The following SPEF2 variants were observed in gnomAD, a reference collection of about 807,000 sequenced individuals.
The protein encoded by SPEF2 is sperm flagellar and cilia associated 2, also known as sperm flagella and cilia-associated protein 2.
SPEF2 carries 187 observed loss-of-function variants against 224.6 expected under a neutral mutation model. The ratio of observed to expected loss-of-function variants is 0.83; its 90% CI spans 0.74 to 0.94. SPEF2 has a LOEUF of 0.94. Ranked by LOEUF, SPEF2 falls within the 40% of genes least tolerant of loss-of-function variation. The pLI, the probability that SPEF2 is intolerant of heterozygous loss-of-function variation, is 0.00. For missense variants in SPEF2, 2,170 were observed against 2,135.6 expected (o/e 1.02, Z -0.32); for synonymous variants, 715 against 707.3 (o/e 1.01, Z -0.17).
chr5:35,683,509 C>T (rs1022581603), intron 10 of SPEF2, among the ~76,000 whole-genome samples: 4 of 152,204 alleles, frequency 2.6e-5, no homozygotes, highest in Admixed American at 2.6e-4. Context: ...CCTGTAATCC[C>T]TGCTACTTGG....
intron 20 of SPEF2, 21 bp from the exon 21 acceptor site, chr5:35,727,654 A>T: frequency 3.7e-6 from 6 of 1,604,804 alleles, no homozygotes; most frequent in Non-Finnish European, 5.1e-6. Flanking sequence ...GTATTGGAAT[A>T]ATTTGATATG....
chr5:35,729,823 T>C (rs1033588014), intron 21 of SPEF2, among the ~76,000 whole-genome samples: 1 of 152,156 alleles, frequency 6.6e-6, no homozygotes, highest in Admixed American at 6.5e-5. Context: ...CGAGATCTGA[T>C]GGGCTTAACA....
intron 20 of SPEF2, among the ~76,000 whole-genome samples, chr5:35,715,725 C>G (rs527472454): frequency 1.2e-4 from 18 of 150,812 alleles, no homozygotes; most frequent in African/African-American, 4.4e-4. Flanking sequence ...TTTTGAACTT[C>G]TACTTTAAGT....
At chr5:35,745,584 G>T (rs1425776322) in intron 23 of SPEF2, among the ~76,000 whole-genome samples, 2 of 151,688 alleles carry the variant, frequency 1.3e-5, no homozygotes, top group East Asian at 3.9e-4. Flanking sequence ...ACATGACTCA[G>T]CAGAGGCAGC....
At position 35,740,211 on chromosome 5, in the gene SPEF2, C is replaced by T. The variant is rs1335597913; in HGVS notation, c.3274C>T (p.Pro1092Ser). 6.2e-7 allele frequency: 1 copy of T among 1,614,128 alleles called. No homozygotes were observed. The highest frequency in any genetic ancestry group is 1.7e-5 in the Admixed American group (1 of 60,018). The change falls in exon 23 of 37, where the codon CCT (proline) becomes TCT (serine). Residue 1092 changes from proline (P) to serine (S), a missense_variant. Transcript: ENST00000356031. ...ATGGCAGGCTGATTTCAACTCCCTT[C>T]CTGATGACCTGTGGGATGATGAGGA... The part of the protein sequence containing the change: ...AQWQADFNSL[P>S]DDLWDDEETK...
At chr5:35,773,512 TC>T (rs1753165852) in intron 27 of SPEF2, among the ~76,000 whole-genome samples, 1 of 152,212 alleles carries the variant, frequency 6.6e-6, no homozygotes, top group Non-Finnish European at 1.5e-5. Context: ...ATAGAAGTTA[TC>T]CCTTATGGAG....
At chr5:35,635,041 C>T (rs896248168) in intron 2 of SPEF2, among the ~76,000 whole-genome samples, 2 of 151,872 alleles carry the variant, frequency 1.3e-5, no homozygotes, top group African/African-American at 2.4e-5. Context: ...AGTGATTTTC[C>T]CTCAGGTGGA....
At chr5:35,708,914 C>T (rs1415780583) in intron 18 of SPEF2, 34 bp from the exon 19 acceptor site, 10 of 1,569,610 alleles carry the variant, frequency 6.4e-6, no homozygotes, top group Non-Finnish European at 8.6e-6. Context: ...TCTAGAGTCT[C>T]TAATGAAGGT....
At chr5:35,714,470 A>G (rs974522413) in intron 20 of SPEF2, among the ~76,000 whole-genome samples, 2 of 151,898 alleles carry the variant, frequency 1.3e-5, no homozygotes, top group African/African-American at 4.8e-5. Flanking sequence ...ATTTTTTAAC[A>G]GTCAGGTACT....
intron 7 of SPEF2, among the ~76,000 whole-genome samples, chr5:35,658,316 A>T (rs906384782): frequency 6.6e-6 from 1 of 152,092 alleles, no homozygotes; most frequent in Non-Finnish European, 1.5e-5. Flanking sequence ...ACATCTATCT[A>T]GTTTTTCTTT....
chr5:35,771,703 A>T lies in SPEF2; in HGVS notation c.3896A>T (p.Lys1299Ile), dbSNP rs1752881005. 3 of 1,602,370 alleles carry T rather than the reference A, an allele frequency of 1.9e-6. No homozygotes were observed. Among genetic ancestry groups the T allele is most frequent in the South Asian group, 2.3e-5 (2 of 87,662 alleles). The change falls in exon 27 of 37, where the codon AAA becomes ATA. Residue 1299 changes from lysine (K) to isoleucine (I), a missense_variant. Coordinates refer to ENST00000356031, the MANE Select transcript of SPEF2 (RefSeq NM_024867.4). ...KEKSPQMGAN[K>I]KVKKEPPKKK... Reference sequence around the variant, plus strand: ...AAATCTCCTCAGATGGGTGCAAATAAAAAAGTCAAAAAGGAGCCACCCAAG... The same window carrying T: ...AAATCTCCTCAGATGGGTGCAAATATAAAAGTCAAAAAGGAGCCACCCAAG...
At chr5:35,635,851 T>C (rs1745758229) in intron 2 of SPEF2, among the ~76,000 whole-genome samples, 1 of 152,216 alleles carries the variant, frequency 6.6e-6, no homozygotes, top group African/African-American at 2.4e-5. Context: ...CACTTTTTTT[T>C]TCTAAACAGG....
chr5:35,747,669 C>A (rs1240450972), intron 23 of SPEF2, among the ~76,000 whole-genome samples: 1 of 152,216 alleles, frequency 6.6e-6, no homozygotes, highest in Non-Finnish European at 1.5e-5. Flanking sequence ...AACACTGGAG[C>A]TCCCAAATTT....
rs756115200 is a variant in SPEF2 at position 35,789,383 on chromosome 5, G to T, written c.4448-2957G>T. 6.4e-5 allele frequency: 45 copies of T among 703,102 alleles called. No individual in the cohort carries two copies. In the South Asian group the frequency reaches 6.7e-4, roughly 10 times the overall value. 43.6% of individuals were successfully genotyped at this position (703,102 alleles called of 1,614,324 possible). A position where few individuals can be genotyped will look rare whatever the true frequency, so the allele number is the denominator to read the frequency against. On this transcript the variant is annotated intron_variant, in intron 30 of 36. Transcript: ENST00000356031. Reference sequence around the variant, plus strand: ...CCAAATGTATCAAACAAGGTGAGAGGTTGGGATGATCTGAGGTCTGTCAAA... The same window carrying T: ...CCAAATGTATCAAACAAGGTGAGAGTTTGGGATGATCTGAGGTCTGTCAAA...
At chr5:35,638,389 C>T (rs1214892668) in intron 2 of SPEF2, among the ~76,000 whole-genome samples, 1 of 152,116 alleles carries the variant, frequency 6.6e-6, no homozygotes, top group Non-Finnish European at 1.5e-5. Flanking sequence ...TTTCCAGCCA[C>T]ATTTCCCATC....
rs1341756447 is a variant in SPEF2, at chr5:35,617,921, G to C, written c.-77G>C. 2.1e-6 allele frequency: 3 copies of C among 1,441,942 alleles called. No homozygotes were observed. In the African/African-American group the frequency reaches 4.2e-5, roughly 20 times the overall value. 89.3% of individuals were successfully genotyped at this position (1,441,942 alleles called of 1,614,324 possible). On this transcript the variant is annotated 5_prime_UTR_variant, in exon 1 of 37. Coordinates refer to ENST00000356031, the MANE Select transcript of SPEF2 (RefSeq NM_024867.4). Reference sequence around the variant, plus strand: ...TAGCAAAGGGTTGCCCTTGGCTACAGGAGGACGCGGGCTGGCAGGCTTGGT... The same window carrying C: ...TAGCAAAGGGTTGCCCTTGGCTACACGAGGACGCGGGCTGGCAGGCTTGGT...
chr5:35,692,712 T>G lies in SPEF2; in HGVS notation c.1887T>G (p.Ile629Met). The change falls in exon 12 of 37, where the codon ATT becomes ATG. Residue 629 changes from isoleucine to methionine, a missense_variant. Ile to Met is a conservative substitution (Grantham distance 10). Coordinates refer to ENST00000356031, the MANE Select transcript of SPEF2 (RefSeq NM_024867.4). ...EDALPVLQEE[I>M]KESQDPQHVF... ...CTCTACCAGTTCTGCAAGAGGAGAT[T>G]AAAGAAAGCCAGGCAAGTGTGATTC... 3 of 1,612,270 alleles carry G rather than the reference T, an allele frequency of 1.9e-6. No individual in the cohort carries two copies. The highest frequency in any genetic ancestry group is 2.5e-6 in the Non-Finnish European group (3 of 1,179,546).
In SPEF2 at chr5:35,807,521, G is replaced by C. The variant is rs183175074; in HGVS notation, c.5379+268G>C. 6.9e-6 allele frequency: 7 copies of C among 1,009,960 alleles called. No individual in the cohort carries two copies. The African/African-American group carries it at 1.1e-4, about 16-fold the overall frequency. The allele number at this position is 1,009,960 out of a possible 1,614,324, so 62.6% of individuals were successfully genotyped here. A position where few individuals can be genotyped will look rare whatever the true frequency, so the allele number is the denominator to read the frequency against. On this transcript the variant is annotated intron_variant, in intron 36 of 36. Coordinates refer to ENST00000356031, the MANE Select transcript of SPEF2 (RefSeq NM_024867.4). ...AGGATTGTCATTGTAGCCATGTAAT[G>C]ACCCTAGCCTGTGATTGAAGGGTTT...
chr5:35,659,051 G>A lies in SPEF2; in HGVS notation c.1011G>A (p.Arg337=). 1 of 1,583,840 alleles carries A rather than the reference G, an allele frequency of 6.3e-7. No homozygotes were observed. The highest frequency in any genetic ancestry group is 8.6e-7 in the Non-Finnish European group (1 of 1,161,566). Reference sequence around the variant, plus strand: ...ATCGGGAGGAACAGCTGATTAACCGGCTGATGCGGCAGTCCCAGCAGGAGC... The same window carrying A: ...ATCGGGAGGAACAGCTGATTAACCGACTGATGCGGCAGTCCCAGCAGGAGC... The part of the protein sequence containing the change: ...EAYREEQLIN[R]LMRQSQQERR... Residue 337 remains arginine (R), a synonymous_variant, in exon 8 of 37, where the codon CGG becomes CGA. Coordinates refer to ENST00000356031, the MANE Select transcript of SPEF2 (RefSeq NM_024867.4).
Sources: gnomAD v4.1 joint callset for allele counts (sites outside exome capture counted in the v4.1 genomes callset) on GRCh38, gnomAD v4.1.1 for gene constraint, MANE v1.5 for transcripts, NCBI Gene and HGNC (gene_info 2026-07-23, HGNC 2026-07-21) for gene names.